ACTN3: variants seen among roughly 807,000 people sequenced by gnomAD.
The protein encoded by ACTN3 is alpha-actinin-3.
ACTN3 carries 91 observed loss-of-function variants against 119.6 expected under a neutral mutation model. The observed-to-expected ratio is 0.76, with a 90% CI of 0.64 to 0.91. ACTN3 has a LOEUF of 0.91. Among genes scored for constraint, ACTN3 ranks in the 40% least tolerant of loss-of-function variants. The pLI is 0.00. For missense variants in ACTN3, 1,221 were observed against 1,215.1 expected (o/e 1.00, Z -0.07); for synonymous variants, 456 against 478.8 (o/e 0.95, Z 0.62).
rs201487054 is a variant in ACTN3, at chr11:66,557,793, G to C, written c.992G>C (p.Arg331Pro). Residue 331 changes from arginine (R) to proline (P), a missense_variant, in exon 10 of 21, where the codon CGG becomes CCG. Around this residue, in one of 3 missense-constraint regions of ACTN3, gnomAD observed 934 missense variants for 899.9 expected, o/e 1.04. Coordinates refer to ENST00000513398, the MANE Select transcript of ACTN3 (RefSeq NM_001104.4). ...ATGCAGCGCAAACTAGAGGACTTTC[G>C]GGACTACCGGCGTCTGCACAAGCCG... ...SAMQRKLEDF[R>P]DYRRLHKPPR... 6.2e-7 allele frequency: 1 copy of C among 1,613,780 alleles called. No individual in the cohort carries two copies. Among genetic ancestry groups the C allele is most frequent in the African/African-American group, 1.3e-5 (1 of 74,918 alleles).
rs758311604 is a variant in ACTN3 at position 66,560,716 on chromosome 11, C to G, written c.1821C>G (p.Ile607Met). The G allele has an allele frequency of 2.5e-6, 4 of 1,613,636 alleles. No homozygotes were observed. The Admixed American group carries it at 5.0e-5, about 20-fold the overall frequency. The change falls in exon 15 of 21, where the codon ATC (isoleucine) becomes ATG (methionine). Residue 607 changes from isoleucine (I) to methionine (M), a missense_variant. Coordinates refer to ENST00000513398, the MANE Select transcript of ACTN3 (RefSeq NM_001104.4). Reference protein sequence around the residue: ...GLRPCSTNPYITLSPQDINTK... With the variant: ...GLRPCSTNPYMTLSPQDINTK... The stretch of plus-strand genomic sequence containing the variant: ...GGCCCTGCTCCACCAATCCCTACAT[C>G]ACCCTCAGCCCGCAGGACATCAACA...
intron 8 of ACTN3, among the ~76,000 whole-genome samples, chr11:66,556,666 GACTCAAGTA>G (rs1857596680): frequency 6.6e-6 from 1 of 152,134 alleles, no homozygotes; most frequent in African/African-American, 2.4e-5. Context: ...CGAACTCCTG[GACTCAAGTA>G]ACTCACCCAC....
rs1010732231 is a variant in ACTN3, at chr11:66,558,139, G to A, written c.1241G>A (p.Arg414Gln). The change falls in exon 11 of 21, where the codon CGG (arginine) becomes CAG (glutamine). Residue 414 changes from arginine (R) to glutamine (Q), a missense_variant. By Grantham distance (43) the Arg-to-Gln change is conservative. Transcript: ENST00000513398. ...QRLQHLAEKF[R>Q]QKASLHEAWT... ...CTCCAGCACCTGGCTGAGAAGTTCC[G>A]GCAGAAGGCCTCCCTGCACGAAGCC... 10 of 1,613,724 alleles carry A rather than the reference G, an allele frequency of 6.2e-6. No individual in the cohort carries two copies. The highest frequency in any genetic ancestry group is 1.7e-5 in the Admixed American group (1 of 60,002).
Position 66,561,473 on chromosome 11 carries a change from G to A in ACTN3, c.2011G>A (p.Ala671Thr). Residue 671 changes from alanine to threonine, a missense_variant, in exon 17 of 21, where the codon GCA becomes ACA. By Grantham distance (58) the Ala-to-Thr change is moderately conservative. Coordinates refer to ENST00000513398, the MANE Select transcript of ACTN3 (RefSeq NM_001104.4). ...ACCCCTGCAGGAAGTGGGGCGGCTG[G>A]CAGCAGGGCTAGCTGGCTCTCTGGA... ...QAKVEEVGRL[A>T]AGLAGSLEEQ... The A allele has an allele frequency of 1.2e-6, 2 of 1,600,770 alleles. No homozygotes were observed. Among genetic ancestry groups the A allele is most frequent in the South Asian group, 2.2e-5 (2 of 89,064 alleles).
Position 66,557,835 on chromosome 11 carries a change from A to T in ACTN3, c.1034A>T (p.Lys345Met). 6.2e-7 allele frequency: 1 copy of T among 1,614,190 alleles called. No homozygotes were observed. Among genetic ancestry groups the T allele is most frequent in the Non-Finnish European group, 8.5e-7 (1 of 1,180,010 alleles). The change falls in exon 10 of 21, where the codon AAG becomes ATG. Residue 345 changes from lysine (K) to methionine (M), a missense_variant. By Grantham distance (95) the Lys-to-Met change is moderately conservative. Around this residue, in one of 3 missense-constraint regions of ACTN3, gnomAD observed 934 missense variants for 899.9 expected, o/e 1.04. Coordinates refer to ENST00000513398, the MANE Select transcript of ACTN3 (RefSeq NM_001104.4). ...CACAAGCCGCCCCGCATTCAGGAAA[A>T]GTGCCAGCTGGAGATCAACTTCAAC... The part of the protein sequence containing the change: ...RLHKPPRIQE[K>M]CQLEINFNTL...
intron 3 of ACTN3, among the ~76,000 whole-genome samples, chr11:66,552,383 A>G (rs2134921487): frequency 6.6e-6 from 1 of 151,702 alleles, no homozygotes; most frequent in African/African-American, 2.4e-5. Context: ...AAAAAAAAAG[A>G]AAGAAAAGCC....
chr11:66,561,343 G>T lies in ACTN3; in HGVS notation c.1977G>T (p.Trp659Cys). The change falls in exon 16 of 21, where the codon TGG becomes TGT. Residue 659 changes from tryptophan (W) to cysteine (C), a missense_variant. Trp to Cys is a radical substitution (Grantham distance 215). This residue lies in a region of ACTN3 where 934 missense variants were observed against 899.9 expected (regional missense o/e 1.04). Coordinates refer to ENST00000513398, the MANE Select transcript of ACTN3 (RefSeq NM_001104.4). ...FAAQANAIGP[W>C]IQAKVEEVGR... ...CCCAGGCCAATGCCATTGGACCCTG[G>T]ATCCAGGCGAAGGTGGAGGTAAGGG... The T allele has an allele frequency of 6.2e-7, 1 of 1,611,508 alleles. No individual in the cohort carries two copies.
intron 1 of ACTN3, among the ~76,000 whole-genome samples, chr11:66,547,822 G>A (rs913565128): frequency 7.9e-5 from 12 of 152,204 alleles, no homozygotes; most frequent in Admixed American, 4.6e-4. Flanking sequence ...GCAGCACCTC[G>A]GGGGCGCCAA....
chr11:66,556,917 C>T (rs1209269653), intron 8 of ACTN3, among the ~76,000 whole-genome samples: 6 of 152,206 alleles, frequency 3.9e-5, no homozygotes, highest in South Asian at 2.1e-4. Context: ...CCCACCACCA[C>T]GCCCGGCCAA....
At chr11:66,554,346 T>C (rs1466252079) in intron 4 of ACTN3, among the ~76,000 whole-genome samples, 190 bp from the exon 5 acceptor site, 3 of 129,348 alleles carry the variant, frequency 2.3e-5, no homozygotes, top group Non-Finnish European at 4.8e-5. Flanking sequence ...TAGTCCCAGA[T>C]ACTAGGGAGG....
intron 1 of ACTN3, among the ~76,000 whole-genome samples, chr11:66,547,587 A>G (rs1256273016): frequency 6.6e-6 from 1 of 152,088 alleles, no homozygotes; most frequent in Non-Finnish European, 1.5e-5. Flanking sequence ...AAGAAACTGA[A>G]GCCCAGAAAG....
chr11:66,546,458 C>T, upstream of ACTN3: 1 of 1,395,816 alleles, frequency 7.2e-7, no homozygotes. Context: ...GTGTCTCCAT[C>T]ACCCCAGAAA....
At chr11:66,558,272 G>A in intron 11 of ACTN3, 98 bp downstream of exon 11, 2 of 1,513,460 alleles carry the variant, frequency 1.3e-6, no homozygotes, top group Non-Finnish European at 1.8e-6. Flanking sequence ...CACAGGACAA[G>A]GGTAGGTGCT....
At chr11:66,549,141 C>A (rs1857422460) in intron 1 of ACTN3, among the ~76,000 whole-genome samples, 1 of 152,266 alleles carries the variant, frequency 6.6e-6, no homozygotes, top group South Asian at 2.1e-4. Flanking sequence ...ATCCCAGCTC[C>A]ATTCCAGCAG....
chr11:66,561,672 A>G (rs906609678), intron 17 of ACTN3, 35 bp downstream of exon 17: 2 of 1,590,734 alleles, frequency 1.3e-6, no homozygotes, highest in Non-Finnish European at 1.7e-6. Context: ...GTGGGGAGGC[A>G]GCACTGGCTG....
chr11:66,562,076 G>C lies in ACTN3; in HGVS notation c.2230G>C (p.Glu744Gln), dbSNP rs781709791. Residue 744 changes from glutamate (E) to glutamine (Q), a missense_variant, in exon 18 of 21, where the codon GAA (glutamate) becomes CAA (glutamine). Coordinates refer to ENST00000513398, the MANE Select transcript of ACTN3 (RefSeq NM_001104.4). ...LLTSIARTIN[E>Q]VENQVLTRDA... ...CACCTCCATTGCCCGCACCATCAAT[G>C]AAGTGGAGAACCAGGTACTGACCCG... The C allele has an allele frequency of 6.8e-6, 11 of 1,613,918 alleles. No homozygotes were observed. In the East Asian group the frequency reaches 2.0e-4, roughly 29 times the overall value.
Position 66,550,966 on chromosome 11 carries a change from C to A in ACTN3, c.148-273C>A, listed in dbSNP as rs540179479. 733 of 586,042 alleles carry A rather than the reference C, an allele frequency of 1.3e-3. 1 individual carries two copies. Among genetic ancestry groups the A allele is most frequent in the Non-Finnish European group, 1.9e-3 (598 of 312,218 alleles). 36.3% of individuals were successfully genotyped at this position (586,042 alleles called of 1,614,324 possible). On this transcript the variant is annotated intron_variant, in intron 1 of 20. Transcript: ENST00000513398. ...TCTAAGGGCCCTCCAGTGTTTAAGA[C>A]CCCCAAGGCTGGGGTGCTGGTGGCC...
In ACTN3 at chr11:66,560,230, C is replaced by T. The variant is rs747791970; in HGVS notation, c.1596C>T (p.Ala532=). Residue 532 remains alanine, a synonymous_variant, in exon 14 of 21, where the codon GCC becomes GCT. Coordinates refer to ENST00000513398, the MANE Select transcript of ACTN3 (RefSeq NM_001104.4). ...DRLQLEFARR[A]APFNNWLDGA... ...TGCAACTGGAGTTTGCCCGGCGGGC[C>T]GCGCCCTTCAACAACTGGCTGGATG... 1.4e-5 allele frequency: 22 copies of T among 1,612,320 alleles called. No individual in the cohort carries two copies. The East Asian group carries it at 2.9e-4, about 21-fold the overall frequency.
intron 1 of ACTN3, among the ~76,000 whole-genome samples, chr11:66,548,942 G>A (rs537882172): frequency 8.8e-4 from 134 of 152,096 alleles, no homozygotes; most frequent in Admixed American, 2.8e-3. Context: ...CTTCTGCCAC[G>A]CCAAGCCATT....
Sources: gnomAD v4.1 joint callset for allele counts (sites outside exome capture counted in the v4.1 genomes callset) on GRCh38, gnomAD v4.1.1 for gene constraint, gnomAD v4.1.1 regional missense constraint, MANE v1.5 for transcripts, NCBI Gene and HGNC (gene_info 2026-07-23, HGNC 2026-07-21) for gene names.